LRBA: variants seen among roughly 807,000 people sequenced by gnomAD.
LRBA encodes lipopolysaccharide-responsive and beige-like anchor protein.
Under a neutral mutation model 330.0 loss-of-function variants are expected in LRBA, and 176 were observed. That is an observed-to-expected ratio of 0.53 (90% CI 0.47 to 0.60). The LOEUF (loss-of-function observed/expected upper bound fraction) is 0.60, where lower values mean the gene tolerates loss of function less well. Among genes scored for constraint, LRBA ranks in the 20% least tolerant of loss-of-function variants. LRBA has a pLI of 0.00. For missense variants in LRBA, 3,259 were observed against 3,444.8 expected (o/e 0.95, Z 1.35); for synonymous variants, 1,230 against 1,193.0 (o/e 1.03, Z -0.64).
At chr4:150,501,543 C>T (rs1760267040) in intron 40 of LRBA, among the ~76,000 whole-genome samples, 1 of 151,492 alleles carries the variant, frequency 6.6e-6, no homozygotes, top group Admixed American at 6.6e-5. Context: ...GCCTGGGATG[C>T]AGAAGGTGTA....
At chr4:150,274,696 A>G (rs1746533076) in intron 56 of LRBA, among the ~76,000 whole-genome samples, 1 of 152,240 alleles carries the variant, frequency 6.6e-6, no homozygotes, top group African/African-American at 2.4e-5. Flanking sequence ...AAAATCTAGA[A>G]GAAATGGATA....
Position 150,893,073 on chromosome 4 carries a change from A to C in LRBA, c.2144T>G (p.Phe715Cys). The C allele has an allele frequency of 6.2e-7, 1 of 1,610,948 alleles. No homozygotes were observed. The highest frequency in any genetic ancestry group is 8.5e-7 in the Non-Finnish European group (1 of 1,178,156). The change falls in exon 17 of 57, where the codon TTT becomes TGT. Residue 715 changes from phenylalanine to cysteine, a missense_variant. By Grantham distance (205) the Phe-to-Cys change is radical. Coordinates refer to ENST00000651943, the MANE Select transcript of LRBA (RefSeq NM_001364905.1). ...SEHPNSMIPA[F>C]DQRNGLRVIY... ...TTACCGTAACCCATTCCTTTGGTCA[A>C]AAGCAGGAATCATAGAGTTAGGGTG...
chr4:150,332,940 T>C (rs758555095), intron 48 of LRBA, among the ~76,000 whole-genome samples: 8 of 152,186 alleles, frequency 5.3e-5, no homozygotes, highest in Non-Finnish European at 8.8e-5. Context: ...AAGCTGTGTA[T>C]TCTATAGTTT....
chr4:150,356,428 C>T (rs1342603685), intron 47 of LRBA, among the ~76,000 whole-genome samples: 3 of 151,946 alleles, frequency 2.0e-5, no homozygotes, highest in Admixed American at 1.3e-4. Context: ...TAAATGCTGG[C>T]TCTGAATTTG....
intron 35 of LRBA, among the ~76,000 whole-genome samples, chr4:150,736,438 TAGA>T (rs141153476): frequency 6.6e-6 from 1 of 151,948 alleles, no homozygotes; most frequent in East Asian, 1.9e-4. Context: ...ATGAAAACTG[TAGA>T]AGAACTGAAA....
intron 40 of LRBA, among the ~76,000 whole-genome samples, chr4:150,510,600 T>G (rs1334622707): frequency 6.6e-6 from 1 of 152,172 alleles, no homozygotes; most frequent in East Asian, 1.9e-4. Flanking sequence ...ATCTACGCAG[T>G]TTCCTTTTGT....
At chr4:150,472,439 G>T (rs1016606348) in intron 42 of LRBA, among the ~76,000 whole-genome samples, 1 of 151,978 alleles carries the variant, frequency 6.6e-6, no homozygotes, top group Non-Finnish European at 1.5e-5. Flanking sequence ...TTTGTAAAAG[G>T]TTCACTGAAG....
chr4:150,879,214 A>C (rs528934865), intron 17 of LRBA, among the ~76,000 whole-genome samples: 1 of 152,228 alleles, frequency 6.6e-6, no homozygotes, highest in Non-Finnish European at 1.5e-5. Context: ...GGTTGGTTCA[A>C]CATACACAAA....
intron 34 of LRBA, among the ~76,000 whole-genome samples, chr4:150,768,300 T>C (rs1171367449): frequency 1.3e-5 from 2 of 151,994 alleles, no homozygotes; most frequent in Non-Finnish European, 2.9e-5. Context: ...AGGAAATCAA[T>C]GCTTGTCACA....
chr4:150,610,008 C>A (rs935251487), intron 37 of LRBA, among the ~76,000 whole-genome samples: 2 of 151,920 alleles, frequency 1.3e-5, no homozygotes, highest in Non-Finnish European at 2.9e-5. Context: ...AAATTCAGGG[C>A]TGAAGAGAAG....
intron 2 of LRBA, among the ~76,000 whole-genome samples, chr4:150,934,002 C>T (rs565579655): frequency 1.3e-5 from 2 of 150,960 alleles, no homozygotes; most frequent in Admixed American, 6.6e-5. Flanking sequence ...CCAGCCTGGG[C>T]GACAGGGCAA....
chr4:150,363,208 G>A (rs945190888), intron 47 of LRBA, among the ~76,000 whole-genome samples: 1 of 152,060 alleles, frequency 6.6e-6, no homozygotes, highest in East Asian at 1.9e-4. Flanking sequence ...TGTTCACAGC[G>A]CTTCTTATAT....
At chr4:150,968,366 G>A (rs984519507) in intron 2 of LRBA, among the ~76,000 whole-genome samples, 3 of 152,182 alleles carry the variant, frequency 2.0e-5, no homozygotes, top group Admixed American at 6.5e-5. Flanking sequence ...TACGTCAAAG[G>A]TTGAAATAGG....
At chr4:150,495,231 T>A (rs1167486338) in intron 40 of LRBA, among the ~76,000 whole-genome samples, 1 of 152,174 alleles carries the variant, frequency 6.6e-6, no homozygotes, top group Non-Finnish European at 1.5e-5. Context: ...ATGTAAGTTT[T>A]TATATTATTA....
intron 48 of LRBA, among the ~76,000 whole-genome samples, chr4:150,343,273 G>A (rs1240477269): frequency 6.6e-6 from 1 of 152,166 alleles, no homozygotes; most frequent in African/African-American, 2.4e-5. Flanking sequence ...CAGAGAGGCA[G>A]TCATTAACCA....
intron 42 of LRBA, among the ~76,000 whole-genome samples, chr4:150,487,039 A>G (rs1757961222): frequency 1.3e-5 from 2 of 151,680 alleles, no homozygotes; most frequent in South Asian, 4.2e-4. Flanking sequence ...TCATCAGCTG[A>G]TGTACACTTA....
At chr4:150,524,880 G>A (rs570448536) in intron 40 of LRBA, among the ~76,000 whole-genome samples, 20 of 152,094 alleles carry the variant, frequency 1.3e-4, no homozygotes, top group South Asian at 6.2e-4. Context: ...TTCTAATCTC[G>A]CAAAGGCCAA....
chr4:150,650,757 T>G (rs906710053), intron 37 of LRBA, among the ~76,000 whole-genome samples: 1 of 152,122 alleles, frequency 6.6e-6, no homozygotes, highest in Non-Finnish European at 1.5e-5. Context: ...TCAGTACTAC[T>G]TACCATGATG....
intron 34 of LRBA, among the ~76,000 whole-genome samples, chr4:150,770,451 A>T (rs982885787): frequency 7.2e-5 from 11 of 152,176 alleles, no homozygotes; most frequent in Admixed American, 6.5e-5. Flanking sequence ...ACTAGGATGT[A>T]CAGTTAACAA....
Sources: gnomAD v4.1 joint callset for allele counts (sites outside exome capture counted in the v4.1 genomes callset) on GRCh38, gnomAD v4.1.1 for gene constraint, MANE v1.5 for transcripts, NCBI Gene and HGNC (gene_info 2026-07-23, HGNC 2026-07-21) for gene names.